SRGN: variants seen among roughly 807,000 people sequenced by gnomAD.
SRGN encodes hematopoetic proteoglycan core peptide.
SRGN carries 2 observed loss-of-function variants against 9.5 expected under a neutral mutation model. The observed-to-expected ratio is 0.21, with a 90% CI of 0.09 to 0.66. The LOEUF is 0.66. Ranked by LOEUF, SRGN falls within the 30% of genes least tolerant of loss-of-function variation. SRGN has a pLI of 0.83. For synonymous variants in SRGN, 59 were observed against 72.3 expected (o/e 0.82, Z 0.93); for missense variants, 170 against 192.4 (o/e 0.88, Z 0.69).
intron 1 of SRGN, 53 bp from the exon 2 acceptor site, chr10:69,097,031 T>G: frequency 6.4e-7 from 1 of 1,568,660 alleles, no homozygotes; most frequent in Non-Finnish European, 8.6e-7. Flanking sequence ...TAGGACAGAG[T>G]GATTAGAAGC....
chr10:69,098,006 T>C (rs1482291479), intron 2 of SRGN, among the ~76,000 whole-genome samples: 2 of 152,206 alleles, frequency 1.3e-5, no homozygotes, highest in Non-Finnish European at 2.9e-5. Flanking sequence ...ATGGTAAAAG[T>C]GTACTGTATA....
chr10:69,101,617 T>C (rs986231774), intron 2 of SRGN, among the ~76,000 whole-genome samples: 1 of 152,152 alleles, frequency 6.6e-6, no homozygotes, highest in African/African-American at 2.4e-5. Context: ...CTCTTCACAA[T>C]AACACCTCCT....
At chr10:69,100,724 G>A (rs1840272358) in intron 2 of SRGN, among the ~76,000 whole-genome samples, 1 of 152,136 alleles carries the variant, frequency 6.6e-6, no homozygotes, top group Non-Finnish European at 1.5e-5. Context: ...CCTGGCGTCT[G>A]CATTTCTCAG....
chr10:69,097,166 A>G lies in SRGN; in HGVS notation c.162A>G (p.Gly54=), dbSNP rs765695520. 23 of 1,613,924 alleles carry G rather than the reference A, an allele frequency of 1.4e-5. No individual in the cohort carries two copies. The South Asian group carries it at 2.5e-4, about 18-fold the overall frequency. ...SNSANCLEEK[G]PMFELLPGES... ...CTGCAAACTGCCTTGAAGAAAAAGG[A>G]CCAATGTTCGAACTACTTCCAGGTG... Residue 54 remains glycine (G), a synonymous_variant, in exon 2 of 3, where the codon GGA becomes GGG. Coordinates refer to ENST00000242465, the MANE Select transcript of SRGN (RefSeq NM_002727.4).
rs1312412861 is a variant in SRGN at position 69,092,790 on chromosome 10, T to C, written c.80-4294T>C. On this transcript the variant is annotated intron_variant, in intron 1 of 2. Coordinates refer to ENST00000242465, the MANE Select transcript of SRGN (RefSeq NM_002727.4). ...GCCTGGATGACGGAGCAAGACTCTG[T>C]CTCCAAAAAAAAAAAAAAAAAAGTG... Among the ~76,000 whole-genome samples, 9 of 71,746 alleles carry C rather than the reference T, an allele frequency of 1.3e-4. No individual in the cohort carries two copies. The East Asian group carries it at 2.6e-3, about 21-fold the overall frequency. 47.1% of individuals were successfully genotyped at this position (71,746 alleles called of 152,430 possible).
intron 1 of SRGN, among the ~76,000 whole-genome samples, chr10:69,088,732 A>G (rs1205187280): frequency 2.0e-5 from 3 of 150,912 alleles, no homozygotes. Flanking sequence ...TTTTTTTTAA[A>G]GATAAACTTG....
chr10:69,104,275 T>C lies in SRGN; in HGVS notation c.*155T>C. The C allele has an allele frequency of 2.9e-6, 3 of 1,033,504 alleles. No individual in the cohort carries two copies. Among genetic ancestry groups the C allele is most frequent in the Non-Finnish European group, 4.1e-6 (3 of 732,374 alleles). The allele number at this position is 1,033,504 out of a possible 1,614,324, so 64.0% of individuals were successfully genotyped here. On this transcript the variant is annotated 3_prime_UTR_variant, in exon 3 of 3. Coordinates refer to ENST00000242465, the MANE Select transcript of SRGN (RefSeq NM_002727.4). ...TATCATCCTTTTTTTTCTCATGAAT[T>C]CTTAAAGGATTATGCTTTAATGCTG...
rs1840365872 is a variant in SRGN at position 69,104,804 on chromosome 10, A to C, written c.*684A>C. The stretch of plus-strand genomic sequence containing the variant: ...ATATATTAAAGCAGAAATATAACCA[A>C]AGGTTAAGCTGTCTCGGATCTGTTG... On this transcript the variant is annotated 3_prime_UTR_variant, in exon 3 of 3. Coordinates refer to ENST00000242465, the MANE Select transcript of SRGN (RefSeq NM_002727.4). The C allele has an allele frequency of 6.6e-6, 1 of 152,238 alleles. No individual in the cohort carries two copies. Among genetic ancestry groups the C allele is most frequent in the African/African-American group, 2.4e-5 (1 of 41,466 alleles). The allele number at this position is 152,238 out of a possible 1,614,324, so 9.4% of individuals were successfully genotyped here.
Position 69,104,086 on chromosome 10 carries a change from G to T in SRGN, c.443G>T (p.Gly148Val), listed in dbSNP as rs1391648545. ...RNLPSDSQDL[G>V]QHGLEEDFML is the part of the protein sequence containing the mutation. ...CTGCCCTCAGACAGCCAGGACTTGG[G>T]TCAACATGGATTAGAAGAGGATTTT... is the stretch of plus-strand genomic sequence containing the variant. Residue 148 changes from glycine to valine, a missense_variant, in exon 3 of 3, where the codon GGT becomes GTT. Physicochemically the swap from Gly to Val is moderately radical, Grantham distance 109. Transcript: ENST00000242465. 2 of 1,614,164 alleles carry T rather than the reference G, an allele frequency of 1.2e-6. No homozygotes were observed. Among genetic ancestry groups the T allele is most frequent in the South Asian group, 1.1e-5 (1 of 91,084 alleles).
chr10:69,096,930 G>T (rs983366677), intron 1 of SRGN, among the ~76,000 whole-genome samples, 154 bp from the exon 2 acceptor site: 8 of 152,204 alleles, frequency 5.3e-5, no homozygotes, highest in African/African-American at 1.9e-4. Flanking sequence ...GGAGTTCAAG[G>T]TTGCAGTGAG....
chr10:69,097,883 G>A (rs922819519), intron 2 of SRGN, among the ~76,000 whole-genome samples: 1 of 152,116 alleles, frequency 6.6e-6, no homozygotes, highest in African/African-American at 2.4e-5. Context: ...ATTTTAAAGT[G>A]TCTGTAATTT....
At chr10:69,097,649 G>T (rs1051282428) in intron 2 of SRGN, among the ~76,000 whole-genome samples, 2 of 151,896 alleles carry the variant, frequency 1.3e-5, no homozygotes, top group African/African-American at 2.4e-5. Flanking sequence ...GGATGGTCTC[G>T]ATCTCCTGAC....
chr10:69,091,978 C>A (rs1370521192), intron 1 of SRGN, among the ~76,000 whole-genome samples: 5 of 142,732 alleles, frequency 3.5e-5, no homozygotes, highest in Non-Finnish European at 1.5e-5. Context: ...AAGTTAGTAC[C>A]ATAATATAAA....
chr10:69,095,097 C>T (rs1178624996), intron 1 of SRGN, among the ~76,000 whole-genome samples: 1 of 151,348 alleles, frequency 6.6e-6, no homozygotes, highest in African/African-American at 2.4e-5. Context: ...CACCTGAGGT[C>T]AGGAGTTCGA....
chr10:69,093,933 G>A (rs1468879231), intron 1 of SRGN, among the ~76,000 whole-genome samples: 2 of 151,994 alleles, frequency 1.3e-5, no homozygotes, highest in African/African-American at 4.8e-5. Context: ...GATACTAAAT[G>A]GTAGAATGGG....
intron 1 of SRGN, among the ~76,000 whole-genome samples, chr10:69,089,289 A>G (rs1322016322): frequency 6.6e-6 from 1 of 152,198 alleles, no homozygotes; most frequent in Non-Finnish European, 1.5e-5. Context: ...CTGGAACGTT[A>G]TTAATTTATG....
upstream of SRGN, among the ~76,000 whole-genome samples, chr10:69,087,861 A>G (rs5030906): frequency 0.014 from 2,103 of 151,518 alleles, 20 homozygotes; most frequent in Non-Finnish European, 0.022. Flanking sequence ...TTTCGGTGGG[A>G]AAAAAAAATG....
At chr10:69,098,990 ATAATTAG>A (rs2132159232) in intron 2 of SRGN, among the ~76,000 whole-genome samples, 1 of 152,240 alleles carries the variant, frequency 6.6e-6, no homozygotes, top group Non-Finnish European at 1.5e-5. Flanking sequence ...GAAAGGAAGA[ATAATTAG>A]CCAAGACTTG....
intron 1 of SRGN, among the ~76,000 whole-genome samples, chr10:69,089,645 C>T (rs1358198127): frequency 6.6e-6 from 1 of 152,142 alleles, no homozygotes; most frequent in African/African-American, 2.4e-5. Context: ...CCTGTAATCC[C>T]AGCACTTTGA....
Sources: allele counts gnomAD v4.1 joint callset (sites outside exome capture counted in the v4.1 genomes callset), GRCh38; gene constraint gnomAD v4.1.1; transcripts MANE v1.5; gene names NCBI Gene and HGNC (gene_info 2026-07-23, HGNC 2026-07-21).